Variants in SLC4A4 observed in about 807,000 individuals in gnomAD.
The protein encoded by SLC4A4 is solute carrier family 4 member 4.
SLC4A4 carries 27 observed loss-of-function variants against 111.5 expected under a neutral mutation model. The observed-to-expected ratio is 0.24, with a 90% CI of 0.18 to 0.33. The LOEUF (loss-of-function observed/expected upper bound fraction) is 0.33. Among genes scored for constraint, SLC4A4 ranks in the 10% least tolerant of loss-of-function variants. SLC4A4 has a pLI of 1.00. For synonymous variants in SLC4A4, 443 were observed against 463.4 expected, an observed-to-expected ratio of 0.96 and a Z score of 0.57; for missense variants, 909 against 1,315.5, an observed-to-expected ratio of 0.69 and a Z score of 4.78.
upstream of SLC4A4, chr4:71,186,742 A>G (rs1198652062): frequency 2.6e-5 from 4 of 152,066 alleles, no homozygotes; most frequent in African/African-American, 9.7e-5. Context: ...GGCTTTAAAT[A>G]TGGATCGCAG....
At chr4:71,117,360 A>C (rs1263238261) in intron 2 of SLC4A4, among the ~76,000 whole-genome samples, 1 of 152,238 alleles carries the variant, frequency 6.6e-6, no homozygotes, top group Non-Finnish European at 1.5e-5. Flanking sequence ...AAAACAGGAA[A>C]AATTCTCAGA....
chr4:71,284,349 C>A (rs568570805), intron 3 of SLC4A4, among the ~76,000 whole-genome samples: 24 of 152,298 alleles, frequency 1.6e-4, no homozygotes, highest in African/African-American at 5.5e-4. Context: ...TTCACACTCC[C>A]AGGGCCAGAG....
At chr4:71,163,693 G>T (rs1416008660) in intron 2 of SLC4A4, among the ~76,000 whole-genome samples, 1 of 152,198 alleles carries the variant, frequency 6.6e-6, no homozygotes, top group Non-Finnish European at 1.5e-5. Context: ...ACCAGGGGTT[G>T]GCAAAGTGTG....
intron 1 of SLC4A4, among the ~76,000 whole-genome samples, chr4:71,063,683 C>T (rs1368999983): frequency 6.6e-6 from 1 of 151,930 alleles, no homozygotes; most frequent in Admixed American, 6.6e-5. Context: ...TTGTTTCATA[C>T]CTGTTCCAAA....
intron 16 of SLC4A4, among the ~76,000 whole-genome samples, chr4:71,511,433 G>C (rs1479857035): frequency 1.3e-5 from 2 of 151,728 alleles, no homozygotes; most frequent in East Asian, 3.9e-4. Flanking sequence ...TTGGAGATTT[G>C]TCTTTTATTT....
chr4:71,183,162 G>C (rs550527081), upstream of SLC4A4, among the ~76,000 whole-genome samples: 5 of 152,310 alleles, frequency 3.3e-5, no homozygotes, highest in South Asian at 1.0e-3. Context: ...TGTGGGAACT[G>C]AGACTCAGAT....
chr4:71,432,451 T>A (rs996433963), intron 7 of SLC4A4, among the ~76,000 whole-genome samples: 3 of 152,166 alleles, frequency 2.0e-5, no homozygotes, highest in African/African-American at 7.2e-5. Context: ...AATAACAGTC[T>A]TGGCAACTTG....
At chr4:71,242,183 G>T (rs544405380) in intron 2 of SLC4A4, among the ~76,000 whole-genome samples, 159 of 152,290 alleles carry the variant, frequency 1.0e-3, no homozygotes, top group Middle Eastern at 0.01. Flanking sequence ...GGTGTTCTTT[G>T]ATGGCAATAA....
intron 12 of SLC4A4, among the ~76,000 whole-genome samples, chr4:71,455,329 C>G (rs1268273663): frequency 3.3e-5 from 5 of 152,138 alleles, no homozygotes; most frequent in African/African-American, 2.4e-5. Context: ...ATAGACAGAG[C>G]ATGTTTTTCT....
chr4:71,281,254 A>G (rs1309716984), intron 3 of SLC4A4, among the ~76,000 whole-genome samples: 1 of 152,218 alleles, frequency 6.6e-6, no homozygotes, highest in African/African-American at 2.4e-5. Flanking sequence ...GTCACATTCA[A>G]CGCTCTGCTT....
At chr4:71,528,625 A>T (rs115555195) in intron 16 of SLC4A4, among the ~76,000 whole-genome samples, 1 of 152,086 alleles carries the variant, frequency 6.6e-6, no homozygotes, top group South Asian at 2.1e-4. Flanking sequence ...TATTCTAAGG[A>T]AACAGTCTTA....
intron 1 of SLC4A4, among the ~76,000 whole-genome samples, chr4:71,216,645 A>C (rs764285386): frequency 6.6e-6 from 1 of 152,170 alleles, no homozygotes; most frequent in Non-Finnish European, 1.5e-5. Flanking sequence ...AGCTTAGAAA[A>C]GACTTTGGAA....
chr4:71,311,485 A>G (rs1307427459), intron 3 of SLC4A4, among the ~76,000 whole-genome samples: 1 of 152,222 alleles, frequency 6.6e-6, no homozygotes, highest in African/African-American at 2.4e-5. Flanking sequence ...GGAAATCATA[A>G]CAGTCTCTCA....
rs191968164 is a variant in SLC4A4, at chr4:71,089,578, G to A, written c.-64-3152G>A. Among the ~76,000 whole-genome samples, 30 of 152,102 alleles carry A rather than the reference G, an allele frequency of 2.0e-4. 1 individual carries two copies. The highest frequency in any genetic ancestry group is 3.4e-3 in the Middle Eastern group (1 of 294). On this transcript the variant is annotated intron_variant, in intron 1 of 26. Transcript: ENST00000649996. ...GGTGACGTACAGATGGTGTTTTGGC[G>A]TGGATGTCCTTTCTGTTTGTTAGTT...
intron 4 of SLC4A4, among the ~76,000 whole-genome samples, chr4:71,340,480 C>T (rs551227578): frequency 2.6e-5 from 4 of 152,180 alleles, no homozygotes; most frequent in African/African-American, 4.8e-5. Context: ...AACTTTATTA[C>T]GTTTTATATA....
intron 5 of SLC4A4, among the ~76,000 whole-genome samples, chr4:71,356,130 C>T (rs759839868): frequency 1.3e-5 from 2 of 152,246 alleles, no homozygotes; most frequent in African/African-American, 4.8e-5. Flanking sequence ...TAGAATGTAC[C>T]AGGCTTCATT....
chr4:71,451,056 A>G, intron 10 of SLC4A4, 132 bp from the exon 11 acceptor site: 1 of 709,122 alleles, frequency 1.4e-6, no homozygotes, highest in Non-Finnish European at 2.6e-6. Context: ...TCTGTTAGAT[A>G]GCAGAAAGAA....
intron 3 of SLC4A4, 122 bp from the exon 4 acceptor site, chr4:71,339,248 G>A (rs778621236): frequency 1.2e-6 from 2 of 1,614,224 alleles, no homozygotes; most frequent in East Asian, 2.2e-5. Flanking sequence ...TAGCAGGAAA[G>A]ATGTCCACTG....
chr4:71,161,357 C>T (rs1744612340), intron 2 of SLC4A4, among the ~76,000 whole-genome samples: 1 of 152,128 alleles, frequency 6.6e-6, no homozygotes, highest in Non-Finnish European at 1.5e-5. Flanking sequence ...CAGCTATATC[C>T]TATTGTTGTG....
Sources: gnomAD v4.1 joint callset for allele counts (sites outside exome capture counted in the v4.1 genomes callset) on GRCh38, gnomAD v4.1.1 for gene constraint, MANE v1.5 for transcripts, NCBI Gene and HGNC (gene_info 2026-07-23, HGNC 2026-07-21) for gene names.